The following CDH18 variants were observed in gnomAD, a reference collection of about 807,000 sequenced individuals.
CDH18 encodes cadherin-18.
Under a neutral mutation model 67.9 loss-of-function variants are expected in CDH18, and 31 were observed. The observed-to-expected ratio is 0.46, with a 90% CI of 0.34 to 0.62. The LOEUF (loss-of-function observed/expected upper bound fraction) is 0.62. CDH18 is among the 20% of genes least tolerant of loss of function. The pLI, the probability that CDH18 is intolerant of heterozygous loss-of-function variation, is 0.01. For synonymous variants in CDH18, 362 were observed against 347.2 expected (o/e 1.04, Z -0.48); for missense variants, 890 against 975.5 (o/e 0.91, Z 1.17).
chr5:19,710,889 AAC>A (rs1419175939), intron 5 of CDH18, among the ~76,000 whole-genome samples: 1 of 152,038 alleles, frequency 6.6e-6, no homozygotes, highest in Non-Finnish European at 1.5e-5. Context: ...GCATAGTACT[AAC>A]ATAAAAATAG....
At chr5:20,169,701 C>T (rs1736549640) in intron 2 of CDH18, among the ~76,000 whole-genome samples, 1 of 152,066 alleles carries the variant, frequency 6.6e-6, no homozygotes, top group Non-Finnish European at 1.5e-5. Context: ...TGTTATTAAA[C>T]ATTATACAAG....
intron 2 of CDH18, among the ~76,000 whole-genome samples, chr5:20,032,898 T>A (rs1302516747): frequency 6.6e-6 from 1 of 152,024 alleles, no homozygotes. Context: ...TGTGAAAGAT[T>A]CAGGGTTCAC....
chr5:20,273,642 A>C (rs980824411), intron 1 of CDH18, among the ~76,000 whole-genome samples: 1 of 151,904 alleles, frequency 6.6e-6, no homozygotes, highest in African/African-American at 2.4e-5. Context: ...ATTCAAACTA[A>C]AAAAAATACA....
At chr5:19,559,031 T>A (rs1177990984) in intron 8 of CDH18, among the ~76,000 whole-genome samples, 1 of 152,146 alleles carries the variant, frequency 6.6e-6, no homozygotes, top group Non-Finnish European at 1.5e-5. Context: ...GTGGTATCAG[T>A]TGTAATATCT....
At chr5:19,704,861 A>G (rs937797636) in intron 5 of CDH18, among the ~76,000 whole-genome samples, 1 of 152,194 alleles carries the variant, frequency 6.6e-6, no homozygotes, top group Admixed American at 6.5e-5. Flanking sequence ...CAGTTATACA[A>G]TCTATAGGGG....
In CDH18 at chr5:19,731,366, G is replaced by C. The variant is rs571994873; in HGVS notation, c.524-9900C>G. 3.3e-5 allele frequency among the ~76,000 whole-genome samples: 5 copies of C among 152,088 alleles called. No individual in the cohort carries two copies. In the South Asian group the frequency reaches 6.2e-4, roughly 19 times the overall value. On this transcript the variant is annotated intron_variant, in intron 4 of 12. Coordinates refer to ENST00000382275, the MANE Select transcript of CDH18 (RefSeq NM_004934.5). The stretch of plus-strand genomic sequence containing the variant: ...CTCGGGAGGCTGAGGCAGGAGAATG[G>C]CATGAACCTGGGAGGCAGAGCTTGT...
chr5:19,634,891 C>T (rs1257204337), intron 5 of CDH18, among the ~76,000 whole-genome samples: 1 of 148,578 alleles, frequency 6.7e-6, no homozygotes, highest in Non-Finnish European at 1.5e-5. Flanking sequence ...GAGCAGAGAT[C>T]ACACCATTGC....
At chr5:20,237,272 G>C (rs558972648) in intron 2 of CDH18, among the ~76,000 whole-genome samples, 1 of 151,786 alleles carries the variant, frequency 6.6e-6, no homozygotes, top group African/African-American at 2.4e-5. Flanking sequence ...AGGAAAAAGC[G>C]GGGTATATTT....
At chr5:20,184,856 G>A (rs896517431) in intron 2 of CDH18, among the ~76,000 whole-genome samples, 2 of 152,000 alleles carry the variant, frequency 1.3e-5, no homozygotes, top group Admixed American at 6.6e-5. Context: ...TCTTAACTAG[G>A]TGTATAATCT....
chr5:20,364,119 C>G (rs1278790826), intron 1 of CDH18, among the ~76,000 whole-genome samples: 2 of 151,978 alleles, frequency 1.3e-5, no homozygotes, highest in Non-Finnish European at 2.9e-5. Context: ...TTAATGTTGT[C>G]AAGTATTTCC....
At chr5:20,296,314 C>G in intron 1 of CDH18, among the ~76,000 whole-genome samples, 1 of 150,998 alleles carries the variant, frequency 6.6e-6, no homozygotes. Flanking sequence ...AGTGCAGTGG[C>G]GCCATCTCGA....
At chr5:19,563,093 T>G (rs1423981642) in intron 8 of CDH18, among the ~76,000 whole-genome samples, 1 of 152,218 alleles carries the variant, frequency 6.6e-6, no homozygotes, top group Non-Finnish European at 1.5e-5. Flanking sequence ...ATTTGCTTAA[T>G]GGCTCTCTGA....
At chr5:19,875,220 T>C (rs1786805740) in intron 2 of CDH18, among the ~76,000 whole-genome samples, 2 of 152,190 alleles carry the variant, frequency 1.3e-5, no homozygotes, top group African/African-American at 4.8e-5. Context: ...ATTAAGCGTT[T>C]GATATTTTGA....
intron 2 of CDH18, among the ~76,000 whole-genome samples, chr5:19,852,294 T>A (rs761952455): frequency 1.6e-4 from 25 of 152,008 alleles, no homozygotes; most frequent in Non-Finnish European, 3.4e-4. Context: ...AAGAGCATAA[T>A]GACAACTGCT....
intron 1 of CDH18, among the ~76,000 whole-genome samples, chr5:20,552,995 C>T (rs1026080144): frequency 3.3e-5 from 5 of 152,088 alleles, no homozygotes; most frequent in Admixed American, 6.6e-5. Flanking sequence ...CCTCGTGATA[C>T]GCCCGCCTGG....
At chr5:19,921,745 G>T (rs1474731370) in intron 2 of CDH18, among the ~76,000 whole-genome samples, 1 of 151,946 alleles carries the variant, frequency 6.6e-6, no homozygotes, top group Non-Finnish European at 1.5e-5. Context: ...AAGTAGAAAA[G>T]TTCAAAATTA....
intron 5 of CDH18, among the ~76,000 whole-genome samples, chr5:19,617,016 C>T (rs1316323227): frequency 6.6e-6 from 1 of 152,086 alleles, no homozygotes. Context: ...CTCCAAATAC[C>T]ATCATATTTG....
chr5:19,922,578 C>T (rs1792613446), intron 2 of CDH18, among the ~76,000 whole-genome samples: 1 of 152,168 alleles, frequency 6.6e-6, no homozygotes, highest in South Asian at 2.1e-4. Flanking sequence ...CTGCTGTTAA[C>T]AAGATCTTTG....
chr5:20,226,806 A>T (rs1424420298), intron 2 of CDH18, among the ~76,000 whole-genome samples: 4 of 152,052 alleles, frequency 2.6e-5, no homozygotes, highest in South Asian at 4.1e-4. Context: ...AAACTGTTTA[A>T]GTGTCAGCAG....
Sources: allele counts gnomAD v4.1 joint callset (sites outside exome capture counted in the v4.1 genomes callset), GRCh38; gene constraint gnomAD v4.1.1; transcripts MANE v1.5; gene names NCBI Gene and HGNC (gene_info 2026-07-23, HGNC 2026-07-21).